The following CADPS variants were observed in gnomAD, a reference collection of about 807,000 sequenced individuals.
CADPS encodes calcium dependent secretion activator.
Under a neutral mutation model 167.3 loss-of-function variants are expected in CADPS, and 57 were observed. The ratio of observed to expected loss-of-function variants is 0.34; its 90% CI spans 0.28 to 0.42. The LOEUF is 0.42. CADPS is among the 20% of genes least tolerant of loss of function. CADPS has a pLI of 1.00. For synonymous variants in CADPS, 676 were observed against 635.3 expected (o/e 1.06, Z -0.96); for missense variants, 1,414 against 1,738.1 (o/e 0.81, Z 3.32).
chr3:62,532,762 T>G, intron 13 of CADPS, 109 bp downstream of exon 13: 1 of 795,284 alleles, frequency 1.3e-6, no homozygotes, highest in Non-Finnish European at 2.0e-6. Flanking sequence ...CGTGTGCACA[T>G]ACCACCGAAG....
At chr3:62,770,967 C>T (rs1209023949) in intron 1 of CADPS, among the ~76,000 whole-genome samples, 1 of 152,146 alleles carries the variant, frequency 6.6e-6, no homozygotes, top group Non-Finnish European at 1.5e-5. Flanking sequence ...TAGCTGGTCC[C>T]TTCTCACTGC....
At chr3:62,552,465 C>T (rs1010785997) in intron 10 of CADPS, among the ~76,000 whole-genome samples, 5 of 152,144 alleles carry the variant, frequency 3.3e-5, no homozygotes, top group African/African-American at 9.7e-5. Context: ...ATTCTAGAAA[C>T]CTGTATTTTA....
chr3:62,567,939 G>A (rs1056093491), intron 9 of CADPS, among the ~76,000 whole-genome samples: 1 of 152,080 alleles, frequency 6.6e-6, no homozygotes, highest in Non-Finnish European at 1.5e-5. Context: ...GTGGATACCA[G>A]TTATTTTTAC....
intron 3 of CADPS, among the ~76,000 whole-genome samples, chr3:62,702,488 G>A (rs1049127716): frequency 2.0e-5 from 3 of 152,048 alleles, no homozygotes; most frequent in African/African-American, 7.2e-5. Flanking sequence ...GACCAGTTGA[G>A]CAGTATCATC....
At chr3:62,592,865 C>T in intron 6 of CADPS, 117 bp from the exon 7 acceptor site, 1 of 606,194 alleles carries the variant, frequency 1.6e-6, no homozygotes, top group South Asian at 2.3e-5. Flanking sequence ...TTAGCTGTCA[C>T]ATCCTCTTCT....
At position 62,492,357 on chromosome 3, in the gene CADPS, C is replaced by T; in HGVS notation, c.2817G>A (p.Val939=). The change falls in exon 20 of 30, where the codon GTG becomes GTA. Residue 939 remains valine, a synonymous_variant. Coordinates refer to ENST00000383710, the MANE Select transcript of CADPS (RefSeq NM_003716.4). ...AACTGTCCCATGTGTCTGGAGGTTG[C>T]ACCTCTAAGGCTGCATCCATGTCTA... ...FAVDMDAALE[V]QPPDTWDSFP... 6.2e-7 allele frequency: 1 copy of T among 1,613,976 alleles called. No individual in the cohort carries two copies. The highest frequency in any genetic ancestry group is 8.5e-7 in the Non-Finnish European group (1 of 1,179,840).
chr3:62,449,491 TTTC>T (rs1459956033), intron 26 of CADPS, among the ~76,000 whole-genome samples: 2 of 152,194 alleles, frequency 1.3e-5, no homozygotes, highest in African/African-American at 4.8e-5. Context: ...AGGATCACCT[TTTC>T]TTAAGTTATC....
intron 1 of CADPS, among the ~76,000 whole-genome samples, chr3:62,813,203 G>C (rs904633411): frequency 1.3e-5 from 2 of 152,032 alleles, no homozygotes; most frequent in Non-Finnish European, 2.9e-5. Context: ...CACATTACCT[G>C]ACCTCACACT....
chr3:62,714,718 G>A (rs1362873432), intron 3 of CADPS, among the ~76,000 whole-genome samples: 1 of 152,100 alleles, frequency 6.6e-6, no homozygotes, highest in African/African-American at 2.4e-5. Flanking sequence ...CTAAAGAAAA[G>A]ATGCCTAGGA....
chr3:62,410,694 C>T lies in CADPS; in HGVS notation c.3778-7509G>A, dbSNP rs189555964. Among the ~76,000 whole-genome samples the T allele has an allele frequency of 9.7e-4, 147 of 152,198 alleles. 1 individual carries two copies. In the Middle Eastern group the frequency reaches 0.014, roughly 14 times the overall value. On this transcript the variant is annotated intron_variant, in intron 28 of 29. Transcript: ENST00000383710. ...TAGGTGCTGAGTGCTTATAACAGTG[C>T]CAGGCACATCCTAAGTACTGGGTAT...
At chr3:62,493,859 C>A (rs924163435) in intron 18 of CADPS, among the ~76,000 whole-genome samples, 194 bp from the exon 19 acceptor site, 2 of 152,080 alleles carry the variant, frequency 1.3e-5, no homozygotes, top group Non-Finnish European at 2.9e-5. Flanking sequence ...AAAGAGGTAT[C>A]CTTTTACTGT....
At chr3:62,833,999 G>C (rs1463503840) in intron 1 of CADPS, among the ~76,000 whole-genome samples, 1 of 152,122 alleles carries the variant, frequency 6.6e-6, no homozygotes, top group Non-Finnish European at 1.5e-5. Flanking sequence ...ATCTCTTCCT[G>C]ATGTGATTAT....
At chr3:62,684,025 C>T (rs1236410751) in intron 3 of CADPS, among the ~76,000 whole-genome samples, 2 of 152,000 alleles carry the variant, frequency 1.3e-5, no homozygotes, top group Non-Finnish European at 2.9e-5. Context: ...TTCTCTCCTC[C>T]CACTCTATAC....
chr3:62,456,440 TAA>T (rs1223283755), intron 26 of CADPS, among the ~76,000 whole-genome samples: 2 of 152,208 alleles, frequency 1.3e-5, no homozygotes, highest in Non-Finnish European at 2.9e-5. Flanking sequence ...GGTTGCCTGC[TAA>T]GGGTCCTGAG....
chr3:62,768,654 G>A lies in CADPS; in HGVS notation c.442-2670C>T, dbSNP rs1435509866. 2.0e-5 allele frequency among the ~76,000 whole-genome samples: 3 copies of A among 152,032 alleles called. No homozygotes were observed. In the East Asian group the frequency reaches 5.8e-4, roughly 29 times the overall value. The stretch of plus-strand genomic sequence containing the variant: ...TCTCACCTGTTACTTCTTAGGGCTG[G>A]GCACTAAGGAATCAAAAGAAATAAG... On this transcript the variant is annotated intron_variant, in intron 1 of 29. Transcript: ENST00000383710.
At chr3:62,440,754 A>T (rs1466990520) in intron 27 of CADPS, 2 of 152,184 alleles carry the variant, frequency 1.3e-5, no homozygotes, top group Non-Finnish European at 2.9e-5. Context: ...AACTGTGCAG[A>T]TAAGAGAGAG....
intron 1 of CADPS, among the ~76,000 whole-genome samples, chr3:62,773,578 G>A (rs2089485377): frequency 6.6e-6 from 1 of 152,110 alleles, no homozygotes; most frequent in Non-Finnish European, 1.5e-5. Flanking sequence ...ATACTCCCAT[G>A]AGTATGTCCT....
intron 23 of CADPS, among the ~76,000 whole-genome samples, chr3:62,477,313 GGTT>G (rs749434622): frequency 1.2e-5 from 1 of 80,326 alleles, no homozygotes. Flanking sequence ...TTGCAATCTG[GGTT>G]TTTTTTTTTT....
At chr3:62,457,554 G>T (rs2058837087) in intron 26 of CADPS, among the ~76,000 whole-genome samples, 2 of 152,146 alleles carry the variant, frequency 1.3e-5, no homozygotes, top group Non-Finnish European at 2.9e-5. Context: ...TCAAATTTTT[G>T]CATGAAAGAA....
Sources: allele counts gnomAD v4.1 joint callset (sites outside exome capture counted in the v4.1 genomes callset), GRCh38; gene constraint gnomAD v4.1.1; transcripts MANE v1.5; gene names NCBI Gene and HGNC (gene_info 2026-07-23, HGNC 2026-07-21).